The following AIM2 variants were observed in gnomAD, a reference collection of about 807,000 sequenced individuals.
The protein encoded by AIM2 is absent in melanoma 2.
A neutral mutation model predicts 27.7 loss-of-function variants in AIM2; 30 were observed. That is an observed-to-expected ratio of 1.08 (90% CI 0.81 to 1.47). The LOEUF (loss-of-function observed/expected upper bound fraction) is 1.47. Among genes scored for constraint, AIM2 ranks in the 40% most tolerant of loss-of-function variants. AIM2 has a pLI of 0.00. For synonymous variants in AIM2, 141 were observed against 145.3 expected (o/e 0.97, Z 0.21); for missense variants, 358 against 411.3 (o/e 0.87, Z 1.12).
intron 1 of AIM2, among the ~76,000 whole-genome samples, chr1:159,117,723 T>A (rs1449116433): frequency 6.6e-6 from 1 of 152,060 alleles, no homozygotes; most frequent in African/African-American, 2.4e-5. Context: ...TAGATCAGGA[T>A]GACATTTTAG....
At chr1:159,094,208 C>T (rs1013603195) in intron 1 of AIM2, among the ~76,000 whole-genome samples, 1 of 152,140 alleles carries the variant, frequency 6.6e-6, no homozygotes, top group South Asian at 2.1e-4. Context: ...TGATAACACT[C>T]TATTAGGTTG....
chr1:159,056,699 G>A, the AIM2 span, among the ~76,000 whole-genome samples: 1 of 111,104 alleles, frequency 9.0e-6, no homozygotes, highest in Non-Finnish European at 1.7e-5. Context: ...AGGAGAGGGA[G>A]GCCAAAAGCC....
At chr1:159,085,844 C>T (rs746451236) in intron 1 of AIM2, among the ~76,000 whole-genome samples, 2 of 152,172 alleles carry the variant, frequency 1.3e-5, no homozygotes, top group Non-Finnish European at 2.9e-5. Context: ...AAGAGTATTT[C>T]AAGGAAGATG....
At chr1:159,109,866 T>C (rs1015288706) in intron 1 of AIM2, among the ~76,000 whole-genome samples, 3 of 152,174 alleles carry the variant, frequency 2.0e-5, no homozygotes, top group Admixed American at 6.5e-5. Flanking sequence ...GACATCACCT[T>C]ACTCCTGAAA....
chr1:159,138,287 A>G (rs1003909793), intron 1 of AIM2, among the ~76,000 whole-genome samples: 2 of 152,084 alleles, frequency 1.3e-5, no homozygotes, highest in African/African-American at 4.8e-5. Flanking sequence ...CAGCTTTCCA[A>G]TCAGGCTGGT....
intron 1 of AIM2, among the ~76,000 whole-genome samples, chr1:159,121,584 A>G (rs906502640): frequency 1.3e-5 from 2 of 152,092 alleles, no homozygotes; most frequent in African/African-American, 2.4e-5. Context: ...CCAAGTATCT[A>G]TACCTAGGCT....
intron 1 of AIM2, among the ~76,000 whole-genome samples, chr1:159,088,673 T>C (rs1233336025): frequency 6.6e-6 from 1 of 152,164 alleles, no homozygotes; most frequent in Non-Finnish European, 1.5e-5. Flanking sequence ...TCTGCTCTCA[T>C]GAATGGATTA....
At chr1:159,114,499 T>C (rs530512540) in intron 1 of AIM2, among the ~76,000 whole-genome samples, 4 of 152,306 alleles carry the variant, frequency 2.6e-5, no homozygotes, top group Admixed American at 2.6e-4. Flanking sequence ...GGAGAATCAC[T>C]TGAGGCCAGG....
intron 5 of AIM2, 132 bp downstream of exon 5, chr1:159,063,354 T>G: frequency 9.7e-6 from 8 of 820,606 alleles, no homozygotes; most frequent in Non-Finnish European, 1.5e-5. Context: ...CTCAGTTCTG[T>G]GAGATGAACG....
Position 159,066,464 on chromosome 1 carries a change from A to T in AIM2, c.397-135T>A, listed in dbSNP as rs1013564715. Reference sequence around the variant, plus strand: ...AATCAAGGGAAGAGATACAGAGGGGATACGAAGAGAGTTGAGGCCTAGAAC... The same window carrying T: ...AATCAAGGGAAGAGATACAGAGGGGTTACGAAGAGAGTTGAGGCCTAGAAC... On this transcript the variant is annotated intron_variant, in intron 3 of 5. Transcript: ENST00000368130. 8 of 895,616 alleles carry T rather than the reference A, an allele frequency of 8.9e-6. No individual in the cohort carries two copies. The African/African-American group carries it at 1.3e-4, about 15-fold the overall frequency. The allele number at this position is 895,616 out of a possible 1,614,324, so 55.5% of individuals were successfully genotyped here.
chr1:159,123,164 T>G (rs1206022943), intron 1 of AIM2, among the ~76,000 whole-genome samples: 1 of 152,196 alleles, frequency 6.6e-6, no homozygotes, highest in Non-Finnish European at 1.5e-5. Flanking sequence ...TTATCATAGT[T>G]ATTTATAGCT....
intron 4 of AIM2, among the ~76,000 whole-genome samples, chr1:159,064,111 A>C (rs566921761): frequency 2.0e-5 from 3 of 152,330 alleles, no homozygotes; most frequent in East Asian, 3.8e-4. Flanking sequence ...TTAAGCAGTT[A>C]AGTTTTTGGG....
At chr1:159,104,534 T>A (rs528362947) in intron 1 of AIM2, among the ~76,000 whole-genome samples, 38 of 152,346 alleles carry the variant, frequency 2.5e-4, no homozygotes, top group African/African-American at 8.9e-4. Context: ...ATCATTCAAA[T>A]TGAGATGTGC....
At chr1:159,104,227 C>T (rs1035702790) in intron 1 of AIM2, among the ~76,000 whole-genome samples, 5 of 152,018 alleles carry the variant, frequency 3.3e-5, no homozygotes, top group Admixed American at 6.6e-5. Flanking sequence ...GGCAGAGCCA[C>T]GGTGACAAGA....
chr1:159,133,529 C>A (rs555372085), intron 1 of AIM2, among the ~76,000 whole-genome samples: 1 of 152,292 alleles, frequency 6.6e-6, no homozygotes, highest in Admixed American at 6.5e-5. Context: ...TTACCTCCCA[C>A]TCCCTCTGCA....
At position 159,091,281 on chromosome 1, in the gene AIM2, A is replaced by T. The variant is rs140415499; in HGVS notation, c.-15-24952T>A. The stretch of plus-strand genomic sequence containing the variant: ...GTCTTATAAGTGTAGAAGACAGAAA[A>T]GCTTGTGTCCAATCCTATTAATACC... On this transcript the variant is annotated intron_variant, in intron 1 of 2. Coordinates refer to the AIM2 transcript ENST00000368129. Among the ~76,000 whole-genome samples the T allele has an allele frequency of 2.6e-3, 399 of 152,362 alleles. 4 individuals carry two copies. Among genetic ancestry groups the T allele is most frequent in the African/African-American group, 8.8e-3 (368 of 41,592 alleles).
intron 1 of AIM2, among the ~76,000 whole-genome samples, chr1:159,118,741 T>C (rs1647450838): frequency 2.0e-5 from 3 of 152,200 alleles, no homozygotes; most frequent in African/African-American, 7.2e-5. Flanking sequence ...ACTGGTATTA[T>C]TCCTTCTACA....
At chr1:159,093,132 G>A (rs1395611709) in intron 1 of AIM2, among the ~76,000 whole-genome samples, 5 of 151,966 alleles carry the variant, frequency 3.3e-5, no homozygotes, top group South Asian at 4.1e-4. Flanking sequence ...TTCTGATTTC[G>A]CATAAATAAA....
upstream of AIM2, among the ~76,000 whole-genome samples, chr1:159,077,990 A>G (rs1366802136): frequency 6.6e-6 from 1 of 152,238 alleles, no homozygotes; most frequent in Non-Finnish European, 1.5e-5. Context: ...AGCATGCTCA[A>G]GATGCTCAAG....
Sources: allele counts gnomAD v4.1 joint callset (sites outside exome capture counted in the v4.1 genomes callset), GRCh38; gene constraint gnomAD v4.1.1; transcripts MANE v1.5; gene names NCBI Gene and HGNC (gene_info 2026-07-23, HGNC 2026-07-21).